The following TGFB2 variants were observed in gnomAD, a reference collection of about 807,000 sequenced individuals.
TGFB2 encodes the protein transforming growth factor beta-2 proprotein.
A neutral mutation model predicts 42.7 loss-of-function variants in TGFB2; 13 were observed. The observed-to-expected ratio is 0.30, with a 90% CI of 0.20 to 0.48. The LOEUF (loss-of-function observed/expected upper bound fraction) is 0.48, where lower values mean the gene tolerates loss of function less well. Ranked by LOEUF, TGFB2 falls within the 20% of genes least tolerant of loss-of-function variation. TGFB2 has a pLI of 0.99. For synonymous variants in TGFB2, 193 were observed against 193.6 expected (o/e 1.00, Z 0.03); for missense variants, 390 against 517.5 (o/e 0.75, Z 2.39).
intron 1 of TGFB2, among the ~76,000 whole-genome samples, chr1:218,349,889 A>T (rs982372251): frequency 1.3e-5 from 2 of 152,208 alleles, no homozygotes; most frequent in African/African-American, 4.8e-5. Context: ...TATTTATGGG[A>T]TATAAATAAT....
At position 218,358,628 on chromosome 1, in the gene TGFB2, A is replaced by C. The variant is rs536802745; in HGVS notation, c.346+11581A>C. ...CAGTGGTGCGATTTCAGCTCACTGC[A>C]AGCTCTGCCTCCGGGGTTCATGCCA... On this transcript the variant is annotated intron_variant, in intron 1 of 6. Coordinates refer to ENST00000366930, the MANE Select transcript of TGFB2 (RefSeq NM_003238.6). 7.4e-5 allele frequency among the ~76,000 whole-genome samples: 11 copies of C among 147,822 alleles called. No homozygotes were observed. The South Asian group carries it at 1.9e-3, about 26-fold the overall frequency.
rs549505330 is a variant in TGFB2, at chr1:218,442,766, A to G, written c.*1404A>G. On this transcript the variant is annotated 3_prime_UTR_variant, in exon 7 of 7. Transcript: ENST00000366930. Reference sequence around the variant, plus strand: ...CCAAGTCAGACGTTAACAAATTTTTATGTTAGGAAAAGGAGGAATGTTATA... The same window carrying G: ...CCAAGTCAGACGTTAACAAATTTTTGTGTTAGGAAAAGGAGGAATGTTATA... The G allele has an allele frequency of 3.9e-5, 6 of 151,918 alleles. No homozygotes were observed. The highest frequency in any genetic ancestry group is 8.8e-5 in the Non-Finnish European group (6 of 67,962). The allele number at this position is 151,918 out of a possible 1,614,324, so 9.4% of individuals were successfully genotyped here.
chr1:218,431,970 GTATACGTTCCAC>G (rs1659821317), intron 2 of TGFB2, among the ~76,000 whole-genome samples: 1 of 152,154 alleles, frequency 6.6e-6, no homozygotes, highest in Non-Finnish European at 1.5e-5. Context: ...CATTCATTGT[GTATACGTTCCAC>G]TATCTTATAT....
chr1:218,441,225 A>G lies in TGFB2; in HGVS notation c.1108A>G (p.Ile370Val). The G allele has an allele frequency of 6.2e-7, 1 of 1,613,326 alleles. No homozygotes were observed. Among genetic ancestry groups the G allele is most frequent in the Non-Finnish European group, 8.5e-7 (1 of 1,179,830 alleles). The change falls in exon 7 of 7, where the codon ATA becomes GTA. Residue 370 changes from isoleucine to valine, a missense_variant. Transcript: ENST00000366930. ...HSRVLSLYNT[I>V]NPEASASPCC... ...TCAGGTCCTGAGCTTATATAATACCATAAATCCAGAAGCATCTGCTTCTCC... is the reference window on the plus strand; with the variant it reads ...TCAGGTCCTGAGCTTATATAATACCGTAAATCCAGAAGCATCTGCTTCTCC...
intron 1 of TGFB2, among the ~76,000 whole-genome samples, chr1:218,363,753 G>A (rs1221216927): frequency 6.6e-6 from 1 of 152,136 alleles, no homozygotes; most frequent in Non-Finnish European, 1.5e-5. Flanking sequence ...TGGACAGCAT[G>A]GCCTGAATGT....
intron 1 of TGFB2, among the ~76,000 whole-genome samples, chr1:218,402,345 A>G (rs894162946): frequency 1.3e-5 from 2 of 152,262 alleles, no homozygotes; most frequent in Admixed American, 6.5e-5. Flanking sequence ...GCCAATGTAT[A>G]GGAAGCCCAG....
intron 1 of TGFB2, among the ~76,000 whole-genome samples, chr1:218,395,846 C>T (rs1312213458): frequency 2.6e-5 from 4 of 152,110 alleles, no homozygotes; most frequent in African/African-American, 4.8e-5. Flanking sequence ...GATCTCCTGA[C>T]CTCGTGATCC....
chr1:218,378,440 GT>G (rs1384107536), intron 1 of TGFB2, among the ~76,000 whole-genome samples: 1 of 152,072 alleles, frequency 6.6e-6, no homozygotes, highest in Non-Finnish European at 1.5e-5. Flanking sequence ...GCCTCCCAAA[GT>G]GCTGGGATTA....
At chr1:218,357,672 A>C (rs139988713) in intron 1 of TGFB2, among the ~76,000 whole-genome samples, 316 of 152,308 alleles carry the variant, frequency 2.1e-3, no homozygotes, top group African/African-American at 7.0e-3. Context: ...CTTCCTGGAT[A>C]TTGTAAAGTC....
chr1:218,388,697 T>C (rs1163469407), intron 1 of TGFB2, among the ~76,000 whole-genome samples: 7 of 152,204 alleles, frequency 4.6e-5, no homozygotes, highest in African/African-American at 9.6e-5. Flanking sequence ...ACTTTCTCCA[T>C]CCTGGTCCCT....
intron 2 of TGFB2, among the ~76,000 whole-genome samples, chr1:218,428,574 A>G (rs1294931084): frequency 1.3e-5 from 2 of 152,152 alleles, no homozygotes; most frequent in Admixed American, 6.5e-5. Context: ...TTTTCCCAGC[A>G]CCATTTATTA....
At position 218,369,501 on chromosome 1, in the gene TGFB2, A is replaced by G. The variant is rs1657503596; in HGVS notation, c.346+22454A>G. Among the ~76,000 whole-genome samples the G allele has an allele frequency of 2.0e-5, 3 of 152,106 alleles. No individual in the cohort carries two copies. The South Asian group carries it at 6.2e-4, about 32-fold the overall frequency. The stretch of plus-strand genomic sequence containing the variant: ...AATGTTTTTCTGTTTGATGGTTTTT[A>G]GTTAATAGTCCTTAGTTATTGGCAA... On this transcript the variant is annotated intron_variant, in intron 1 of 6. Coordinates refer to ENST00000366930, the MANE Select transcript of TGFB2 (RefSeq NM_003238.6).
intron 6 of TGFB2, among the ~76,000 whole-genome samples, chr1:218,437,907 A>G (rs1405643707): frequency 6.6e-6 from 1 of 152,208 alleles, no homozygotes; most frequent in Non-Finnish European, 1.5e-5. Context: ...TGATACATGT[A>G]TACAATGTGT....
intron 1 of TGFB2, among the ~76,000 whole-genome samples, chr1:218,350,070 G>A (rs775921443): frequency 5.9e-5 from 9 of 152,168 alleles, no homozygotes; most frequent in Non-Finnish European, 1.0e-4. Flanking sequence ...TTTGAAGTTC[G>A]AGGCACATCT....
At position 218,410,722 on chromosome 1, in the gene TGFB2, A is replaced by G. The variant is rs1243533195; in HGVS notation, c.510+5390A>G. The stretch of plus-strand genomic sequence containing the variant: ...GCAGCCTTTATTGCGATATGTTCAG[A>G]CAAAACTCCAGTGCTCTAGGAATGC... On this transcript the variant is annotated intron_variant, in intron 2 of 6. Coordinates refer to ENST00000366930, the MANE Select transcript of TGFB2 (RefSeq NM_003238.6). Among the ~76,000 whole-genome samples, 3 of 152,346 alleles carry G rather than the reference A, an allele frequency of 2.0e-5. No individual in the cohort carries two copies. In the East Asian group the frequency reaches 5.8e-4, roughly 29 times the overall value.
At chr1:218,434,525 T>G in intron 4 of TGFB2, 77 bp downstream of exon 4, 1 of 949,744 alleles carries the variant, frequency 1.1e-6, no homozygotes. Context: ...AAAATCAGTT[T>G]GCATGTGAAA....
chr1:218,384,419 T>C (rs17047744), intron 1 of TGFB2, among the ~76,000 whole-genome samples: 2 of 152,242 alleles, frequency 1.3e-5, no homozygotes, highest in Admixed American at 6.5e-5. Context: ...TAAGAGGCTA[T>C]CTTACCTTTT....
At chr1:218,347,188 C>G in intron 1 of TGFB2, 141 bp downstream of exon 1, 1 of 695,022 alleles carries the variant, frequency 1.4e-6, no homozygotes, top group Non-Finnish European at 2.4e-6. Flanking sequence ...CACCCCACCA[C>G]CTCCTTTTCA....
intron 1 of TGFB2, among the ~76,000 whole-genome samples, chr1:218,398,299 T>C (rs1658590583): frequency 6.6e-6 from 1 of 152,236 alleles, no homozygotes; most frequent in African/African-American, 2.4e-5. Flanking sequence ...CAAATACCTA[T>C]AGGTTCTTGA....
Sources: gnomAD v4.1 joint callset for allele counts (sites outside exome capture counted in the v4.1 genomes callset) on GRCh38, gnomAD v4.1.1 for gene constraint, MANE v1.5 for transcripts, NCBI Gene and HGNC (gene_info 2026-07-23, HGNC 2026-07-21) for gene names.